The following NAV1 variants were observed in gnomAD, a reference collection of about 807,000 sequenced individuals.
NAV1 encodes neuron navigator 1, also known as pore membrane and/or filament interacting like protein 3.
NAV1 carries 18 observed loss-of-function variants against 175.2 expected under a neutral mutation model. The ratio of observed to expected loss-of-function variants is 0.10; its 90% CI spans 0.07 to 0.15. The LOEUF (loss-of-function observed/expected upper bound fraction) is 0.15. Ranked by LOEUF, NAV1 falls within the 10% of genes least tolerant of loss-of-function variation. The pLI is 1.00. For synonymous variants in NAV1, 897 were observed against 978.7 expected, an observed-to-expected ratio of 0.92 and a Z score of 1.56; for missense variants, 1,731 against 2,436.6, an observed-to-expected ratio of 0.71 and a Z score of 6.10.
intron 2 of NAV1, among the ~76,000 whole-genome samples, chr1:201,596,350 C>T (rs972452016): frequency 6.6e-6 from 1 of 152,214 alleles, no homozygotes; most frequent in African/African-American, 2.4e-5. Context: ...ACTCTCTTCC[C>T]TTCTTTGGGG....
chr1:201,589,186 A>T (rs1667119602), intron 2 of NAV1, among the ~76,000 whole-genome samples: 1 of 152,138 alleles, frequency 6.6e-6, no homozygotes. Flanking sequence ...TCATATCTCC[A>T]TTTTTTAGAA....
chr1:201,811,196 A>G (rs1213359850), intron 24 of NAV1, among the ~76,000 whole-genome samples: 1 of 152,110 alleles, frequency 6.6e-6, no homozygotes, highest in African/African-American at 2.4e-5. Context: ...GCTATCTGGG[A>G]AGAAGCACTC....
At chr1:201,555,052 G>A (rs1455816350) in intron 1 of NAV1, among the ~76,000 whole-genome samples, 1 of 152,060 alleles carries the variant, frequency 6.6e-6, no homozygotes, top group Non-Finnish European at 1.5e-5. Flanking sequence ...GTATGTCTAT[G>A]TCCAAATTTC....
chr1:201,621,995 A>G (rs1411682716), upstream of NAV1, among the ~76,000 whole-genome samples: 2 of 152,206 alleles, frequency 1.3e-5, no homozygotes, highest in African/African-American at 4.8e-5. Context: ...GATACAAGAG[A>G]GAAGGGGATA....
intron 1 of NAV1, among the ~76,000 whole-genome samples, chr1:201,711,668 C>T (rs1170449766): frequency 2.0e-5 from 3 of 152,212 alleles, no homozygotes; most frequent in African/African-American, 4.8e-5. Context: ...ATCTTTCTGT[C>T]ACTCCCTGAC....
intron 1 of NAV1, among the ~76,000 whole-genome samples, chr1:201,662,521 C>A (rs589855): frequency 0.21 from 32,539 of 152,134 alleles, 4,817 homozygotes; most frequent in African/African-American, 0.42. Context: ...TGGAGTCATG[C>A]GTGTGAGGGT....
At chr1:201,564,601 C>T (rs569206453) in intron 1 of NAV1, among the ~76,000 whole-genome samples, 1 of 152,314 alleles carries the variant, frequency 6.6e-6, no homozygotes, top group Admixed American at 6.5e-5. Flanking sequence ...CCAGCATGGG[C>T]AACAGAGTGA....
At chr1:201,581,948 T>C (rs1666879254) in intron 1 of NAV1, among the ~76,000 whole-genome samples, 1 of 152,042 alleles carries the variant, frequency 6.6e-6, no homozygotes, top group Admixed American at 6.5e-5. Flanking sequence ...TACAAAAAAT[T>C]AGCTGGGGAT....
chr1:201,700,062 A>G (rs1418274312), intron 1 of NAV1, among the ~76,000 whole-genome samples: 1 of 152,242 alleles, frequency 6.6e-6, no homozygotes, highest in Non-Finnish European at 1.5e-5. Context: ...CACCAAAAGC[A>G]ATGGCAACAA....
chr1:201,769,895 T>C, intron 3 of NAV1, among the ~76,000 whole-genome samples: 1 of 152,262 alleles, frequency 6.6e-6, no homozygotes, highest in Non-Finnish European at 1.5e-5. Context: ...AAATAGTTAC[T>C]GATTCGCAAG....
chr1:201,660,041 A>G (rs1287391792), intron 1 of NAV1, among the ~76,000 whole-genome samples: 1 of 152,112 alleles, frequency 6.6e-6, no homozygotes, highest in Non-Finnish European at 1.5e-5. Context: ...GGGTGTAGGT[A>G]CTGTCCTGCT....
chr1:201,586,880 A>G (rs577166478), intron 1 of NAV1, among the ~76,000 whole-genome samples: 27 of 152,328 alleles, frequency 1.8e-4, no homozygotes, highest in Non-Finnish European at 2.9e-4. Context: ...ATTTCAGTTC[A>G]TAGCACCTCT....
rs373134511 is a variant in NAV1 at position 201,718,420 on chromosome 1, T to A, written c.891T>A (p.Asp297Glu). The A allele has an allele frequency of 4.5e-6, 7 of 1,546,716 alleles. No homozygotes were observed. In the African/African-American group the frequency reaches 8.1e-5, roughly 18 times the overall value. Residue 297 changes from aspartate (D) to glutamate (E), a missense_variant, in exon 3 of 30, where the codon GAT becomes GAA. Transcript: ENST00000367296. This position sits in a 1 kb window ranked among gnomAD's most constrained non-coding sequence, Gnocchi z 4.8. ...TGGAGATGACCTGCTACGACAGCGA[T>A]GATGCCAACCCACGCAGCGTGTCCA...
At chr1:201,666,081 C>T (rs1028339902) in intron 1 of NAV1, among the ~76,000 whole-genome samples, 6 of 151,972 alleles carry the variant, frequency 3.9e-5, no homozygotes, top group Non-Finnish European at 7.4e-5. Context: ...TCAGAGGGAG[C>T]GGGTTGCCAG....
At chr1:201,593,954 G>A (rs945447863) in intron 2 of NAV1, among the ~76,000 whole-genome samples, 3 of 152,164 alleles carry the variant, frequency 2.0e-5, no homozygotes, top group African/African-American at 7.2e-5. Context: ...GAGGGGTCAG[G>A]GTAGTGGGAC....
chr1:201,618,673 C>T (rs1234227972), upstream of NAV1, among the ~76,000 whole-genome samples: 2 of 152,164 alleles, frequency 1.3e-5, no homozygotes, highest in African/African-American at 4.8e-5. Flanking sequence ...TGAGTCACAC[C>T]ACTCTGCCAC....
intron 1 of NAV1, among the ~76,000 whole-genome samples, chr1:201,667,337 G>T (rs1305104664): frequency 1.3e-5 from 2 of 152,186 alleles, no homozygotes; most frequent in African/African-American, 4.8e-5. Context: ...TGGGCTAAGT[G>T]CTGTTCCCAC....
intron 1 of NAV1, among the ~76,000 whole-genome samples, chr1:201,688,634 ACT>A (rs1178339112): frequency 6.6e-6 from 1 of 152,172 alleles, no homozygotes; most frequent in Non-Finnish European, 1.5e-5. Flanking sequence ...CACAGTTATC[ACT>A]GACACCCGCC....
At chr1:201,717,248 G>GCT (rs1171643080) in intron 2 of NAV1, among the ~76,000 whole-genome samples, 1 of 152,236 alleles carries the variant, frequency 6.6e-6, no homozygotes, top group African/African-American at 2.4e-5. Context: ...ACAGAGCAGT[G>GCT]ATTGCTTGGG....
Sources: gnomAD v4.1 joint callset for allele counts (sites outside exome capture counted in the v4.1 genomes callset) on GRCh38, gnomAD v4.1.1 for gene constraint, Gnocchi (gnomAD v3.1) non-coding constraint, MANE v1.5 for transcripts, NCBI Gene and HGNC (gene_info 2026-07-23, HGNC 2026-07-21) for gene names.